RGS7: variants seen among roughly 807,000 people sequenced by gnomAD.
RGS7 encodes the protein regulator of G-protein signaling 7.
In RGS7, 27 loss-of-function variants were observed where a neutral mutation model predicts 81.1. The observed-to-expected ratio is 0.33, with a 90% confidence interval of 0.25 to 0.46. RGS7 has a LOEUF of 0.46. Ranked by LOEUF, RGS7 falls within the 20% of genes least tolerant of loss-of-function variation. RGS7 has a pLI of 1.00. For synonymous variants in RGS7, 208 were observed against 207.7 expected (o/e 1.00, Z -0.01); for missense variants, 396 against 607.4 (o/e 0.65, Z 3.66).
At chr1:241,045,063 T>C (rs1221684018) in intron 3 of RGS7, among the ~76,000 whole-genome samples, 1 of 152,214 alleles carries the variant, frequency 6.6e-6, no homozygotes, top group African/African-American at 2.4e-5. Context: ...TCAGTTTCTT[T>C]CCTTAATATG....
At chr1:241,041,766 C>T (rs1047616513) in intron 3 of RGS7, among the ~76,000 whole-genome samples, 3 of 152,182 alleles carry the variant, frequency 2.0e-5, no homozygotes, top group African/African-American at 7.2e-5. Flanking sequence ...ACTTGGGGCT[C>T]TTAGCACCCA....
chr1:240,837,826 A>C (rs1694962136), intron 9 of RGS7, among the ~76,000 whole-genome samples: 1 of 152,242 alleles, frequency 6.6e-6, no homozygotes, highest in Non-Finnish European at 1.5e-5. Flanking sequence ...AAAGAGAACC[A>C]AATAAAATTT....
At chr1:241,002,033 T>C (rs1275792909) in intron 3 of RGS7, among the ~76,000 whole-genome samples, 1 of 152,116 alleles carries the variant, frequency 6.6e-6, no homozygotes, top group African/African-American at 2.4e-5. Context: ...TGTACTACTC[T>C]GGTTGGGACT....
chr1:241,116,574 G>GA (rs1253738818), intron 2 of RGS7, among the ~76,000 whole-genome samples: 2 of 151,892 alleles, frequency 1.3e-5, no homozygotes, highest in South Asian at 4.2e-4. Flanking sequence ...CCAAACTTAT[G>GA]AAAAAAAGAG....
At chr1:240,804,905 T>A (rs944771598) in intron 15 of RGS7, among the ~76,000 whole-genome samples, 1 of 152,214 alleles carries the variant, frequency 6.6e-6, no homozygotes, top group African/African-American at 2.4e-5. Context: ...AGAAATATAT[T>A]TTCTATAGAG....
At chr1:241,125,381 C>G (rs1288013262) in intron 2 of RGS7, among the ~76,000 whole-genome samples, 1 of 151,852 alleles carries the variant, frequency 6.6e-6, no homozygotes, top group Non-Finnish European at 1.5e-5. Context: ...GGTCTTTGAC[C>G]CTTTTTCCTC....
intron 2 of RGS7, among the ~76,000 whole-genome samples, chr1:241,343,366 G>C (rs2082693701): frequency 6.6e-6 from 1 of 152,068 alleles, no homozygotes; most frequent in Non-Finnish European, 1.5e-5. Flanking sequence ...ACAGATATTT[G>C]TATATCCATG....
At chr1:241,269,305 GGGTAGACGCCTCCTGGCGGATGCCTACA>G (rs1300954305) in intron 2 of RGS7, among the ~76,000 whole-genome samples, 4 of 152,226 alleles carry the variant, frequency 2.6e-5, no homozygotes, top group African/African-American at 9.6e-5. Flanking sequence ...GTGGAAACGT[GGGTAGACGCCTCCTGGCGGATGCCTACA>G]GCAATACCTG....
intron 2 of RGS7, among the ~76,000 whole-genome samples, chr1:241,179,030 G>A (rs4072897): frequency 0.77 from 117,038 of 152,144 alleles, 45,546 homozygotes; most frequent in Middle Eastern, 0.84. Context: ...CTACTGAATT[G>A]TAAGCTCTAT....
intron 4 of RGS7, among the ~76,000 whole-genome samples, chr1:240,940,140 T>G (rs1677342423): frequency 6.6e-6 from 1 of 152,168 alleles, no homozygotes; most frequent in Non-Finnish European, 1.5e-5. Flanking sequence ...TACTTTCCAC[T>G]AGTTTTATGC....
intron 6 of RGS7, among the ~76,000 whole-genome samples, chr1:240,887,059 GAT>G (rs1667450832): frequency 6.6e-6 from 1 of 152,104 alleles, no homozygotes; most frequent in Non-Finnish European, 1.5e-5. Context: ...AATTCTTGGA[GAT>G]GATGTGTTGG....
chr1:241,299,736 C>A (rs1173474328), intron 2 of RGS7, among the ~76,000 whole-genome samples: 3 of 151,258 alleles, frequency 2.0e-5, no homozygotes, highest in Non-Finnish European at 4.4e-5. Context: ...CATATGAGCA[C>A]GATGGAGAAG....
At chr1:241,341,406 A>G (rs2082536794) in intron 2 of RGS7, among the ~76,000 whole-genome samples, 1 of 152,248 alleles carries the variant, frequency 6.6e-6, no homozygotes, top group South Asian at 2.1e-4. Flanking sequence ...ATATATACGT[A>G]CATGTAAAAA....
intron 3 of RGS7, among the ~76,000 whole-genome samples, chr1:241,004,723 C>A (rs746553763): frequency 2.6e-5 from 4 of 152,188 alleles, no homozygotes; most frequent in Non-Finnish European, 5.9e-5. Context: ...ATTCTTCTGG[C>A]CTCTCTGAGC....
intron 2 of RGS7, among the ~76,000 whole-genome samples, chr1:241,247,710 A>AAAT (rs2076615220): frequency 6.6e-6 from 1 of 152,224 alleles, no homozygotes. Context: ...CTAAAAAAAA[A>AAAT]AATAGGTATA....
chr1:240,797,408 A>G (rs1054216009), intron 18 of RGS7, among the ~76,000 whole-genome samples: 12 of 152,174 alleles, frequency 7.9e-5, no homozygotes, highest in Admixed American at 6.5e-4. Flanking sequence ...TTGGAGTGCA[A>G]TGGCATGATC....
intron 3 of RGS7, among the ~76,000 whole-genome samples, chr1:241,036,440 G>A (rs1034090038): frequency 5.3e-5 from 8 of 152,038 alleles, no homozygotes; most frequent in Non-Finnish European, 7.4e-5. Flanking sequence ...GAAATATTTC[G>A]GCTGCAGTTG....
chr1:241,121,710 C>CTTTTTTTTTTTTTTTTTTTT (rs10681773), intron 2 of RGS7, among the ~76,000 whole-genome samples: 1 of 66,412 alleles, frequency 1.5e-5, no homozygotes, highest in Non-Finnish European at 2.7e-5. Context: ...TGCAATTGTT[C>CTTTTTTTTTTTTTTTTTTTT]TTTTTTTTTT....
chr1:241,307,204 A>G (rs183742661), intron 2 of RGS7, among the ~76,000 whole-genome samples: 1 of 152,310 alleles, frequency 6.6e-6, no homozygotes, highest in Admixed American at 6.5e-5. Context: ...TCCTGAGACC[A>G]TCTAAAATAC....
Sources: allele counts gnomAD v4.1 joint callset (sites outside exome capture counted in the v4.1 genomes callset), GRCh38; gene constraint gnomAD v4.1.1; transcripts MANE v1.5; gene names NCBI Gene and HGNC (gene_info 2026-07-23, HGNC 2026-07-21).